The following PPA1 variants were observed in gnomAD, a reference collection of about 807,000 sequenced individuals.
PPA1 encodes the protein inorganic pyrophosphatase 1, also known as inorganic pyrophosphatase.
In PPA1, 23 loss-of-function variants were observed where a neutral mutation model predicts 41.8. The observed-to-expected ratio is 0.55, with a 90% CI of 0.40 to 0.78. The LOEUF (loss-of-function observed/expected upper bound fraction) is 0.78. PPA1 is among the 30% of genes least tolerant of loss of function. The pLI is 0.00. For synonymous variants in PPA1, 101 were observed against 116.8 expected (o/e 0.86, Z 0.87); for missense variants, 320 against 361.6 (o/e 0.89, Z 0.93).
At chr10:70,209,710 GA>G in intron 6 of PPA1, 25 bp from the exon 7 acceptor site, 1 of 1,561,498 alleles carries the variant, frequency 6.4e-7, no homozygotes, top group South Asian at 1.2e-5. Flanking sequence ...AGCATAAGAT[GA>G]CAGTGAGAAT....
chr10:70,220,992 T>A (rs1334670228), intron 2 of PPA1, among the ~76,000 whole-genome samples: 13 of 55,806 alleles, frequency 2.3e-4, no homozygotes, highest in African/African-American at 4.9e-4. Flanking sequence ...ATATATATAA[T>A]TTATATATAT....
chr10:70,211,788 T>C (rs1752421569), intron 6 of PPA1, among the ~76,000 whole-genome samples: 1 of 152,160 alleles, frequency 6.6e-6, no homozygotes, highest in African/African-American at 2.4e-5. Context: ...CAAGTTCTCT[T>C]GCATAAGAAG....
intron 2 of PPA1, among the ~76,000 whole-genome samples, chr10:70,224,959 G>A (rs574108802): frequency 3.3e-5 from 5 of 152,242 alleles, no homozygotes; most frequent in African/African-American, 9.6e-5. Flanking sequence ...TCGAGCTCCC[G>A]ACCTCAGGTG....
intron 2 of PPA1, among the ~76,000 whole-genome samples, chr10:70,221,115 A>G (rs1444443206): frequency 2.9e-4 from 28 of 96,338 alleles, no homozygotes; most frequent in Non-Finnish European, 3.8e-4. Flanking sequence ...GAGCTTTGCC[A>G]TGTTACCCCA....
rs190175880 is a variant in PPA1 at position 70,227,875 on chromosome 10, T to G, written c.123+2466A>C. Among the ~76,000 whole-genome samples the G allele has an allele frequency of 3.7e-3, 563 of 152,252 alleles. 7 individuals carry two copies. Among genetic ancestry groups the G allele is most frequent in the African/African-American group, 0.013 (542 of 41,544 alleles). On this transcript the variant is annotated intron_variant, in intron 2 of 10. Coordinates refer to ENST00000373232, the MANE Select transcript of PPA1 (RefSeq NM_021129.4). Reference sequence around the variant, plus strand: ...CCAAGGCCAAGCCCGTGAGAATGTATTCATGTAAACTTAATCACAATAGAT... The same window carrying G: ...CCAAGGCCAAGCCCGTGAGAATGTAGTCATGTAAACTTAATCACAATAGAT...
At chr10:70,227,256 C>T (rs189480432) in intron 2 of PPA1, among the ~76,000 whole-genome samples, 2 of 152,176 alleles carry the variant, frequency 1.3e-5, no homozygotes, top group Non-Finnish European at 2.9e-5. Flanking sequence ...CCACTGGATT[C>T]GGAAATAATC....
intron 4 of PPA1, among the ~76,000 whole-genome samples, chr10:70,217,138 A>AC (rs1428636742): frequency 6.6e-6 from 1 of 151,972 alleles, no homozygotes; most frequent in Non-Finnish European, 1.5e-5. Flanking sequence ...AGCCCGGGTG[A>AC]CAAAGCAAGA....
chr10:70,206,128 A>T, intron 9 of PPA1, 136 bp downstream of exon 9: 1 of 671,076 alleles, frequency 1.5e-6, no homozygotes. Flanking sequence ...ATGGTTTCTA[A>T]TTTCAAGACT....
Position 70,232,606 on chromosome 10 carries a change from CTGTT to C in PPA1, c.64+654_64+657del, listed in dbSNP as rs201590883. ...AGTCTTGTTTCCAGACTGACGTCAT[CTGTT>C]TGATTTGAGGGAAACAGCTTTCTGT... On this transcript the variant is annotated intron_variant, in intron 1 of 10. Coordinates refer to ENST00000373232, the MANE Select transcript of PPA1 (RefSeq NM_021129.4). 2.9e-3 allele frequency among the ~76,000 whole-genome samples: 448 copies of C among 152,276 alleles called. 4 individuals carry two copies. The highest frequency in any genetic ancestry group is 9.7e-3 in the African/African-American group (403 of 41,560).
intron 6 of PPA1, chr10:70,210,152 G>A: frequency 3.1e-6 from 1 of 320,472 alleles, no homozygotes; most frequent in Non-Finnish European, 6.0e-6. Flanking sequence ...CCCGAACAAG[G>A]CTCACTGCAG....
intron 6 of PPA1, among the ~76,000 whole-genome samples, chr10:70,212,259 G>C (rs1840028916): frequency 6.6e-6 from 1 of 152,174 alleles, no homozygotes. Context: ...TAGACTCATG[G>C]AGATTTATTT....
intron 2 of PPA1, among the ~76,000 whole-genome samples, chr10:70,226,845 A>G (rs1840235308): frequency 6.6e-6 from 1 of 152,226 alleles, no homozygotes; most frequent in African/African-American, 2.4e-5. Flanking sequence ...TAGAGGCTTG[A>G]CTTTCTTTCA....
intron 3 of PPA1, 89 bp downstream of exon 3, chr10:70,218,675 C>T (rs957418005): frequency 2.8e-5 from 29 of 1,030,718 alleles, no homozygotes; most frequent in Admixed American, 2.0e-4. Context: ...AAAACCTTGA[C>T]GTTCAGATGG....
intron 6 of PPA1, among the ~76,000 whole-genome samples, chr10:70,210,618 C>T (rs1457336896): frequency 6.6e-6 from 1 of 152,084 alleles, no homozygotes; most frequent in Non-Finnish European, 1.5e-5. Flanking sequence ...TCAAACTGCA[C>T]TTCAAATAAC....
At chr10:70,226,103 C>A (rs956626134) in intron 2 of PPA1, among the ~76,000 whole-genome samples, 4 of 152,150 alleles carry the variant, frequency 2.6e-5, no homozygotes, top group African/African-American at 4.8e-5. Flanking sequence ...AGATCATTAA[C>A]TTATTAAAGT....
intron 2 of PPA1, among the ~76,000 whole-genome samples, chr10:70,223,217 A>AAGAGAGAGAGAG (rs10686040): frequency 1.2e-4 from 18 of 148,826 alleles, no homozygotes; most frequent in East Asian, 1.2e-3. Context: ...CATTTTTTTA[A>AAGAGAGAGAGAG]AGAGAGAGAG....
chr10:70,233,265 G>A lies in PPA1; in HGVS notation c.63C>T (p.Leu21=). Residue 21 remains leucine, a splice_region_variant and synonymous_variant, in exon 1 of 11, where the codon CTC becomes CTT. Transcript: ENST00000373232. ...APFSLEYRVF[L]KNEKGQYISP... is the part of the protein sequence containing the mutation. Reference sequence around the variant, plus strand: ...GGGCCACGGGCCGCAGACACTCACTGAGGAAGACTCGGTACTCCAGGGAGA... The same window carrying A: ...GGGCCACGGGCCGCAGACACTCACTAAGGAAGACTCGGTACTCCAGGGAGA... The A allele has an allele frequency of 1.3e-6, 2 of 1,541,420 alleles. No homozygotes were observed. Among genetic ancestry groups the A allele is most frequent in the Middle Eastern group, 1.8e-4 (1 of 5,556 alleles).
At chr10:70,212,654 A>G (rs1468980589) in intron 6 of PPA1, among the ~76,000 whole-genome samples, 2 of 152,246 alleles carry the variant, frequency 1.3e-5, no homozygotes, top group South Asian at 2.1e-4. Context: ...AGGCAAAGCT[A>G]TAAAGACAAA....
At chr10:70,212,158 G>C (rs1589892067) in intron 6 of PPA1, among the ~76,000 whole-genome samples, 1 of 152,324 alleles carries the variant, frequency 6.6e-6, no homozygotes, top group East Asian at 1.9e-4. Flanking sequence ...TGAGAATGGA[G>C]TATCTGCATA....
Sources: allele counts gnomAD v4.1 joint callset (sites outside exome capture counted in the v4.1 genomes callset), GRCh38; gene constraint gnomAD v4.1.1; transcripts MANE v1.5; gene names NCBI Gene and HGNC (gene_info 2026-07-23, HGNC 2026-07-21).